ZBTB20: variants seen among roughly 807,000 people sequenced by gnomAD.
ZBTB20 encodes zinc finger and BTB domain containing 20, also known as zinc finger and BTB domain-containing protein 20.
Under a neutral mutation model 56.9 loss-of-function variants are expected in ZBTB20, and 9 were observed. The ratio of observed to expected loss-of-function variants is 0.16; its 90% CI spans 0.10 to 0.28. The LOEUF is 0.28. ZBTB20 is among the 10% of genes least tolerant of loss of function. ZBTB20 has a pLI of 1.00. For missense variants in ZBTB20, 655 were observed against 1,003.0 expected (o/e 0.65, Z 4.69); for synonymous variants, 417 against 420.7 (o/e 0.99, Z 0.11).
At chr3:114,509,122 A>C (rs1268902620) in intron 6 of ZBTB20, among the ~76,000 whole-genome samples, 1 of 152,102 alleles carries the variant, frequency 6.6e-6, no homozygotes. Context: ...TAGAATTAGC[A>C]AAACTTACTT....
At chr3:114,876,445 A>AT (rs1226299849) in intron 4 of ZBTB20, 3 of 152,116 alleles carry the variant, frequency 2.0e-5, no homozygotes, top group Non-Finnish European at 4.4e-5. Context: ...GCAAGACCCC[A>AT]TCTCTAAAAA....
At chr3:114,608,654 A>G (rs2057339677) in intron 6 of ZBTB20, among the ~76,000 whole-genome samples, 1 of 152,218 alleles carries the variant, frequency 6.6e-6, no homozygotes. Flanking sequence ...AGTTTTCAGG[A>G]TTAGCAAAAA....
chr3:114,801,092 T>C lies in ZBTB20; in HGVS notation c.-343+9A>G, dbSNP rs2071674022. On this transcript the variant is annotated intron_variant, in intron 5 of 11. Coordinates refer to ENST00000675478, the MANE Select transcript of ZBTB20 (RefSeq NM_001348800.3). ...AACACAGAAGAAGGTACAGAAAGCT[T>C]TGACTTACAGGAATACAGTGCAGCT... The C allele has an allele frequency of 6.6e-6, 1 of 152,188 alleles. No individual in the cohort carries two copies. Among genetic ancestry groups the C allele is most frequent in the African/African-American group, 2.4e-5 (1 of 41,378 alleles). 9.4% of individuals were successfully genotyped at this position (152,188 alleles called of 1,614,324 possible).
intron 4 of ZBTB20, among the ~76,000 whole-genome samples, chr3:114,889,842 T>C (rs2107623407): frequency 6.6e-6 from 1 of 152,178 alleles, no homozygotes; most frequent in Non-Finnish European, 1.5e-5. Context: ...GAGCAAATAA[T>C]AAGTGGTAGA....
At chr3:114,775,186 C>G (rs6438221) in intron 5 of ZBTB20, among the ~76,000 whole-genome samples, 129,297 of 151,838 alleles carry the variant, frequency 0.85, 56,086 homozygotes, top group East Asian at 0.98. Context: ...ACTGGCTAGG[C>G]TTCGGGACAC....
chr3:114,380,211 A>T lies in ZBTB20; in HGVS notation c.199+6T>A. 1 of 1,534,842 alleles carries T rather than the reference A, an allele frequency of 6.5e-7. No homozygotes were observed. The highest frequency in any genetic ancestry group is 8.7e-7 in the Non-Finnish European group (1 of 1,145,624). On this transcript the variant is annotated splice_donor_region_variant and intron_variant, in intron 10 of 11. Coordinates refer to ENST00000675478, the MANE Select transcript of ZBTB20 (RefSeq NM_001348800.3). ...AAAGACACCATCACCTTAGTGGTGTACTCACAATCAGATGACCCGGTGTGA... is the reference window on the plus strand; with the variant it reads ...AAAGACACCATCACCTTAGTGGTGTTCTCACAATCAGATGACCCGGTGTGA...
intron 3 of ZBTB20, among the ~76,000 whole-genome samples, chr3:114,912,145 A>C (rs1314897994): frequency 7.4e-6 from 1 of 134,434 alleles, no homozygotes; most frequent in Non-Finnish European, 1.6e-5. Context: ...AAAAAAAAAA[A>C]CCTGCCAAAT....
chr3:115,097,092 C>T lies in ZBTB20; in HGVS notation c.-702-25678G>A, dbSNP rs535585491. Among the ~76,000 whole-genome samples the T allele has an allele frequency of 4.6e-5, 7 of 152,204 alleles. No individual in the cohort carries two copies. In the South Asian group the frequency reaches 1.4e-3, roughly 32 times the overall value. Reference sequence around the variant, plus strand: ...ATTAAAAATAATCATAGTGATTCTCCTCTTAAGTTAAAAAAGAAGAAAAAG... The same window carrying T: ...ATTAAAAATAATCATAGTGATTCTCTTCTTAAGTTAAAAAAGAAGAAAAAG... On this transcript the variant is annotated intron_variant, in intron 1 of 11. Transcript: ENST00000675478.
intron 10 of ZBTB20, among the ~76,000 whole-genome samples, chr3:114,370,517 A>C (rs887758889): frequency 1.3e-5 from 2 of 152,112 alleles, no homozygotes; most frequent in Non-Finnish European, 2.9e-5. Flanking sequence ...GTCTCTCTGC[A>C]CTATCCTGGT....
intron 6 of ZBTB20, among the ~76,000 whole-genome samples, chr3:114,626,365 T>C (rs2058659324): frequency 6.6e-6 from 1 of 152,232 alleles, no homozygotes; most frequent in Non-Finnish European, 1.5e-5. Flanking sequence ...TTGTAAGCAC[T>C]GAATCAATGT....
chr3:114,589,328 C>T (rs1167504288), intron 6 of ZBTB20, among the ~76,000 whole-genome samples: 3 of 152,136 alleles, frequency 2.0e-5, no homozygotes, highest in Admixed American at 1.3e-4. Flanking sequence ...TGCCTTGTCC[C>T]TTTCTCCTCA....
At chr3:114,940,707 C>T (rs969850153) in intron 3 of ZBTB20, among the ~76,000 whole-genome samples, 3 of 146,192 alleles carry the variant, frequency 2.1e-5, no homozygotes, top group South Asian at 2.1e-4. Context: ...TTAGTATTTT[C>T]GGTTTATGTT....
intron 6 of ZBTB20, among the ~76,000 whole-genome samples, chr3:114,595,240 A>T (rs1406757104): frequency 6.6e-6 from 1 of 152,216 alleles, no homozygotes; most frequent in Non-Finnish European, 1.5e-5. Context: ...TATAAATATG[A>T]CATAATATCT....
chr3:114,466,247 G>T lies in ZBTB20; in HGVS notation c.-255+34105C>A, dbSNP rs528603053. Among the ~76,000 whole-genome samples the T allele has an allele frequency of 4.6e-5, 7 of 152,252 alleles. No homozygotes were observed. The East Asian group carries it at 7.7e-4, about 17-fold the overall frequency. ...AATAGTCAACCCTCACTAACACAATGTGCCTAATATTATTGTAAGCACTTC... is the reference window on the plus strand; with the variant it reads ...AATAGTCAACCCTCACTAACACAATTTGCCTAATATTATTGTAAGCACTTC... On this transcript the variant is annotated intron_variant, in intron 7 of 11. Transcript: ENST00000675478.
At position 114,940,059 on chromosome 3, in the gene ZBTB20, G is replaced by A. The variant is rs758965328; in HGVS notation, c.-456+34307C>T. Among the ~76,000 whole-genome samples, 58 of 138,664 alleles carry A rather than the reference G, an allele frequency of 4.2e-4. 1 individual carries two copies. Among genetic ancestry groups the A allele is most frequent in the Middle Eastern group, 6.9e-3 (2 of 288 alleles). The allele number at this position is 138,664 out of a possible 152,430, so 91.0% of individuals were successfully genotyped here. ...ACCATCATTGTAAGGAGTATCTTCT[G>A]TGTATGTAAGTATGTGTTCACTAGT... is the stretch of plus-strand genomic sequence containing the variant. On this transcript the variant is annotated intron_variant, in intron 3 of 11. Transcript: ENST00000675478.
chr3:114,868,025 A>C (rs1178697180), intron 4 of ZBTB20, among the ~76,000 whole-genome samples: 1 of 152,202 alleles, frequency 6.6e-6, no homozygotes, highest in African/African-American at 2.4e-5. Flanking sequence ...TACAGGAAGA[A>C]AATAAGTAAG....
intron 6 of ZBTB20, among the ~76,000 whole-genome samples, chr3:114,592,369 C>T (rs1376381606): frequency 1.3e-5 from 2 of 152,116 alleles, no homozygotes; most frequent in East Asian, 3.8e-4. Flanking sequence ...TATCATCAAA[C>T]GATGGGCAAA....
At chr3:114,458,210 G>C (rs115749706) in intron 7 of ZBTB20, among the ~76,000 whole-genome samples, 2,743 of 152,244 alleles carry the variant, frequency 0.018, 46 homozygotes, top group South Asian at 0.025. Context: ...CTTAATTCCA[G>C]TTCGGATAAT....
chr3:114,831,499 C>T (rs2073841664), intron 4 of ZBTB20, among the ~76,000 whole-genome samples: 1 of 151,976 alleles, frequency 6.6e-6, no homozygotes, highest in South Asian at 2.1e-4. Context: ...GAAAATTACT[C>T]TACAGTGTCT....
Sources: allele counts gnomAD v4.1 joint callset (sites outside exome capture counted in the v4.1 genomes callset), GRCh38; gene constraint gnomAD v4.1.1; transcripts MANE v1.5; gene names NCBI Gene and HGNC (gene_info 2026-07-23, HGNC 2026-07-21).